CAB39: variants seen among roughly 807,000 people sequenced by gnomAD.
CAB39 encodes calcium-binding protein 39.
In CAB39, 8 loss-of-function variants were observed where a neutral mutation model predicts 40.0. The ratio of observed to expected loss-of-function variants is 0.20; its 90% CI spans 0.12 to 0.36. CAB39 has a LOEUF of 0.36. Among genes scored for constraint, CAB39 ranks in the 10% least tolerant of loss-of-function variants. The pLI, the probability that CAB39 is intolerant of heterozygous loss-of-function variation, is 1.00. For missense variants in CAB39, 270 were observed against 401.1 expected (o/e 0.67, Z 2.79); for synonymous variants, 156 against 141.6 (o/e 1.10, Z -0.72).
intron 2 of CAB39, among the ~76,000 whole-genome samples, chr2:230,778,228 T>C (rs1695627863): frequency 6.6e-6 from 1 of 152,224 alleles, no homozygotes; most frequent in South Asian, 2.1e-4. Flanking sequence ...CAGTCTTGTA[T>C]CTCACCAAGT....
chr2:230,729,578 C>T (rs1163296471), intron 1 of CAB39, among the ~76,000 whole-genome samples: 1 of 151,854 alleles, frequency 6.6e-6, no homozygotes, highest in Admixed American at 6.6e-5. Flanking sequence ...TGGTGAAACC[C>T]CATCCCTACT....
chr2:230,755,627 C>T (rs779498422), intron 1 of CAB39, among the ~76,000 whole-genome samples: 3 of 152,164 alleles, frequency 2.0e-5, no homozygotes, highest in Non-Finnish European at 4.4e-5. Flanking sequence ...TTTTGCCATG[C>T]AAAAGCACTT....
chr2:230,742,558 CAAAA>C (rs112074993), intron 1 of CAB39, among the ~76,000 whole-genome samples: 1 of 60,400 alleles, frequency 1.7e-5, no homozygotes. Context: ...AACATATTTG[CAAAA>C]AAAAAAAAAA....
chr2:230,732,346 T>A (rs1694708344), intron 1 of CAB39, among the ~76,000 whole-genome samples: 1 of 152,182 alleles, frequency 6.6e-6, no homozygotes, highest in Non-Finnish European at 1.5e-5. Flanking sequence ...CCTCCCAAAG[T>A]GCTGGGATTA....
At chr2:230,759,788 G>A (rs941096310) in intron 1 of CAB39, among the ~76,000 whole-genome samples, 171 bp from the exon 2 acceptor site, 3 of 152,238 alleles carry the variant, frequency 2.0e-5, no homozygotes, top group Non-Finnish European at 4.4e-5. Flanking sequence ...TAAGACATCT[G>A]TGTATTATCA....
At chr2:230,759,133 A>C (rs1016512767) in intron 1 of CAB39, among the ~76,000 whole-genome samples, 3 of 152,184 alleles carry the variant, frequency 2.0e-5, no homozygotes, top group Non-Finnish European at 4.4e-5. Context: ...GAGATGGTCA[A>C]ATCCAGGCAA....
intron 2 of CAB39, among the ~76,000 whole-genome samples, chr2:230,772,534 G>T (rs1695500760): frequency 6.6e-6 from 1 of 151,478 alleles, no homozygotes; most frequent in African/African-American, 2.4e-5. Context: ...GCCCAGGCTG[G>T]AGTGCAGTGG....
intron 1 of CAB39, among the ~76,000 whole-genome samples, chr2:230,728,588 C>A (rs945479687): frequency 5.3e-5 from 8 of 152,118 alleles, no homozygotes; most frequent in Non-Finnish European, 1.0e-4. Context: ...AGGCATGAGC[C>A]GTCGCACCCT....
chr2:230,808,640 C>T (rs1449195255), intron 5 of CAB39, among the ~76,000 whole-genome samples: 1 of 152,210 alleles, frequency 6.6e-6, no homozygotes, highest in Admixed American at 6.5e-5. Flanking sequence ...GAATAAACTT[C>T]AGGTTTTTAA....
intron 2 of CAB39, among the ~76,000 whole-genome samples, chr2:230,767,252 G>A (rs543629026): frequency 2.6e-5 from 4 of 152,016 alleles, no homozygotes; most frequent in Non-Finnish European, 2.9e-5. Flanking sequence ...TATCCTTTCC[G>A]TTTTTCAGGC....
intron 4 of CAB39, among the ~76,000 whole-genome samples, chr2:230,796,072 G>A (rs929668413): frequency 6.6e-6 from 1 of 152,186 alleles, no homozygotes; most frequent in Non-Finnish European, 1.5e-5. Flanking sequence ...CCATCAGTCT[G>A]TGATTGCTTC....
At chr2:230,765,428 C>G (rs758708738) in intron 2 of CAB39, among the ~76,000 whole-genome samples, 1 of 152,126 alleles carries the variant, frequency 6.6e-6, no homozygotes, top group Non-Finnish European at 1.5e-5. Flanking sequence ...ACCTTACAGA[C>G]GCTTTGAAAG....
intron 1 of CAB39, among the ~76,000 whole-genome samples, chr2:230,742,419 C>G (rs938164404): frequency 6.6e-6 from 1 of 152,174 alleles, no homozygotes; most frequent in Non-Finnish European, 1.5e-5. Context: ...TCGTGATTCG[C>G]CCGCCTCGGC....
intron 1 of CAB39, among the ~76,000 whole-genome samples, chr2:230,758,742 G>A (rs942163253): frequency 6.6e-6 from 1 of 152,104 alleles, no homozygotes; most frequent in Non-Finnish European, 1.5e-5. Context: ...TGTGTGTGGG[G>A]AGCACCTTGG....
At chr2:230,738,966 T>C (rs1301197490) in intron 1 of CAB39, among the ~76,000 whole-genome samples, 3 of 152,234 alleles carry the variant, frequency 2.0e-5, no homozygotes, top group Admixed American at 1.3e-4. Flanking sequence ...ACCATAGCAT[T>C]TCCAATCTAC....
intron 1 of CAB39, among the ~76,000 whole-genome samples, chr2:230,747,483 A>G (rs1694996059): frequency 6.6e-6 from 1 of 152,244 alleles, no homozygotes; most frequent in Non-Finnish European, 1.5e-5. Context: ...CAAAATGAAA[A>G]CACATGTAGA....
chr2:230,734,089 G>A (rs1694742864), intron 1 of CAB39, among the ~76,000 whole-genome samples: 1 of 152,226 alleles, frequency 6.6e-6, no homozygotes, highest in African/African-American at 2.4e-5. Context: ...AGAGGAGAAA[G>A]ATCTGACCCC....
intron 1 of CAB39, among the ~76,000 whole-genome samples, chr2:230,716,839 A>C (rs1694359338): frequency 6.6e-6 from 1 of 152,178 alleles, no homozygotes; most frequent in African/African-American, 2.4e-5. Context: ...CTATATCCAC[A>C]AAAATAAAAA....
At chr2:230,742,718 G>T (rs1694903732) in intron 1 of CAB39, among the ~76,000 whole-genome samples, 1 of 152,164 alleles carries the variant, frequency 6.6e-6, no homozygotes, top group Non-Finnish European at 1.5e-5. Flanking sequence ...TATGTTCATT[G>T]TCATTAATGA....
Sources: gnomAD v4.1 joint callset for allele counts (sites outside exome capture counted in the v4.1 genomes callset) on GRCh38, gnomAD v4.1.1 for gene constraint, MANE v1.5 for transcripts, NCBI Gene and HGNC (gene_info 2026-07-23, HGNC 2026-07-21) for gene names.